The following MARCHF1 variants were observed in gnomAD, a reference collection of about 807,000 sequenced individuals.
MARCHF1 encodes the protein membrane associated ring-CH-type finger 1, also known as E3 ubiquitin-protein ligase MARCHF1.
A neutral mutation model predicts 54.2 loss-of-function variants in MARCHF1; 40 were observed. That is an observed-to-expected ratio of 0.74 (90% CI 0.57 to 0.96). MARCHF1 has a LOEUF of 0.96. MARCHF1 is among the 40% of genes least tolerant of loss of function. The pLI is 0.00. For synonymous variants in MARCHF1, 236 were observed against 236.3 expected, an observed-to-expected ratio of 1.00 and a Z score of 0.01; for missense variants, 586 against 656.5, an observed-to-expected ratio of 0.89 and a Z score of 1.17.
intron 2 of MARCHF1, among the ~76,000 whole-genome samples, chr4:164,075,376 C>A (rs1185797170): frequency 1.3e-5 from 2 of 152,184 alleles, no homozygotes; most frequent in African/African-American, 4.8e-5. Flanking sequence ...TAAACAATAT[C>A]TTGAAGGGTA....
chr4:164,364,301 GCT>G (rs1255028200), intron 1 of MARCHF1, among the ~76,000 whole-genome samples: 1 of 151,954 alleles, frequency 6.6e-6, no homozygotes, highest in Non-Finnish European at 1.5e-5. Flanking sequence ...AGGACTAAAG[GCT>G]CCTACCAGAG....
intron 1 of MARCHF1, among the ~76,000 whole-genome samples, chr4:164,289,610 T>C (rs1244802024): frequency 6.8e-6 from 1 of 146,168 alleles, no homozygotes; most frequent in Non-Finnish European, 1.5e-5. Context: ...AAAAAACCTG[T>C]TCAAACCATC....
chr4:164,274,484 A>T (rs1733821103), intron 1 of MARCHF1, among the ~76,000 whole-genome samples: 1 of 152,012 alleles, frequency 6.6e-6, no homozygotes, highest in Non-Finnish European at 1.5e-5. Context: ...AATTATTAAG[A>T]GGAAAATCAC....
chr4:164,194,595 T>C (rs1731204310), intron 1 of MARCHF1, among the ~76,000 whole-genome samples: 1 of 152,144 alleles, frequency 6.6e-6, no homozygotes, highest in African/African-American at 2.4e-5. Context: ...TTGTATGCTG[T>C]CATCTTATAA....
chr4:163,902,061 C>T (rs1750954078), intron 3 of MARCHF1, among the ~76,000 whole-genome samples: 2 of 152,142 alleles, frequency 1.3e-5, no homozygotes, highest in South Asian at 4.1e-4. Context: ...CAAATACCTC[C>T]TCAAAAGATG....
intron 5 of MARCHF1, among the ~76,000 whole-genome samples, chr4:163,623,218 C>G (rs1216962000): frequency 6.6e-6 from 1 of 152,090 alleles, no homozygotes; most frequent in African/African-American, 2.4e-5. Flanking sequence ...GTTCTGAGAG[C>G]AAGGACCATC....
intron 9 of MARCHF1, among the ~76,000 whole-genome samples, chr4:163,536,888 C>T (rs1006654144): frequency 1.3e-5 from 2 of 152,084 alleles, no homozygotes; most frequent in African/African-American, 4.8e-5. Flanking sequence ...CCTGGGAAGT[C>T]AAATCTCCCA....
At chr4:163,835,421 G>A (rs938953044) in intron 4 of MARCHF1, among the ~76,000 whole-genome samples, 8 of 152,246 alleles carry the variant, frequency 5.3e-5, no homozygotes, top group Non-Finnish European at 8.8e-5. Context: ...TCTGTACAAC[G>A]TGAACTATAG....
chr4:163,789,757 T>C (rs1436926915), intron 4 of MARCHF1, among the ~76,000 whole-genome samples: 1 of 152,064 alleles, frequency 6.6e-6, no homozygotes, highest in East Asian at 1.9e-4. Flanking sequence ...GAAAATATAG[T>C]ACTTGGACTT....
At chr4:163,544,556 G>C (rs778368532) in intron 9 of MARCHF1, among the ~76,000 whole-genome samples, 5 of 152,134 alleles carry the variant, frequency 3.3e-5, no homozygotes, top group Non-Finnish European at 4.4e-5. Flanking sequence ...TGCTCAGGGC[G>C]GTGCACGCTG....
At chr4:163,921,185 T>C (rs911706404) in intron 3 of MARCHF1, among the ~76,000 whole-genome samples, 2 of 152,138 alleles carry the variant, frequency 1.3e-5, no homozygotes, top group African/African-American at 4.8e-5. Context: ...CTGATGGAAA[T>C]GTTCTTTCTT....
chr4:164,086,266 T>G (rs1406154943), intron 2 of MARCHF1, among the ~76,000 whole-genome samples: 1 of 151,870 alleles, frequency 6.6e-6, no homozygotes, highest in Non-Finnish European at 1.5e-5. Context: ...CTATAAATAC[T>G]GGCTAAAAAT....
chr4:164,206,176 C>T (rs1731599767), intron 1 of MARCHF1, among the ~76,000 whole-genome samples: 1 of 152,180 alleles, frequency 6.6e-6, no homozygotes, highest in South Asian at 2.1e-4. Context: ...GTGGCTCATG[C>T]TTGCAATCCC....
rs141003469 is a variant in MARCHF1, at chr4:164,379,487, C to T, written c.-323+4383G>A. Among the ~76,000 whole-genome samples the T allele has an allele frequency of 8.3e-3, 1,263 of 152,208 alleles. 18 individuals carry two copies. Among genetic ancestry groups the T allele is most frequent in the African/African-American group, 0.029 (1,215 of 41,546 alleles). On this transcript the variant is annotated intron_variant, in intron 1 of 9. Coordinates refer to ENST00000514618, the MANE Select transcript of MARCHF1 (RefSeq NM_001394959.1). ...GTCAAGAATTCACCAATGAATTTCACCTGATGAAAGATAACAATCCACAAA... is the reference window on the plus strand; with the variant it reads ...GTCAAGAATTCACCAATGAATTTCATCTGATGAAAGATAACAATCCACAAA...
At chr4:164,017,102 T>A (rs1488826531) in intron 2 of MARCHF1, among the ~76,000 whole-genome samples, 1 of 151,952 alleles carries the variant, frequency 6.6e-6, no homozygotes, top group East Asian at 1.9e-4. Flanking sequence ...GGTTTAACAA[T>A]TTCAAAAATT....
chr4:163,942,087 A>C (rs979357916), intron 3 of MARCHF1, among the ~76,000 whole-genome samples: 2 of 152,188 alleles, frequency 1.3e-5, no homozygotes, highest in Non-Finnish European at 2.9e-5. Flanking sequence ...ATGAACAATA[A>C]AACAGCATGT....
intron 5 of MARCHF1, among the ~76,000 whole-genome samples, chr4:163,659,462 C>T (rs1196104384): frequency 2.6e-5 from 4 of 151,878 alleles, no homozygotes; most frequent in South Asian, 2.1e-4. Flanking sequence ...AGAAGAAAAC[C>T]GAGGCAGTAC....
intron 1 of MARCHF1, chr4:164,197,788 T>C (rs1383951386): frequency 7.5e-6 from 12 of 1,598,420 alleles, no homozygotes; most frequent in Non-Finnish European, 1.0e-5. Flanking sequence ...CGGCCGCACG[T>C]TTTAGGACTT....
chr4:164,334,878 C>T (rs965530635), intron 1 of MARCHF1, among the ~76,000 whole-genome samples: 4 of 152,080 alleles, frequency 2.6e-5, no homozygotes, highest in African/African-American at 9.7e-5. Flanking sequence ...AAGTTTATTC[C>T]AACCTTCATG....
Sources: gnomAD v4.1 joint callset for allele counts (sites outside exome capture counted in the v4.1 genomes callset) on GRCh38, gnomAD v4.1.1 for gene constraint, MANE v1.5 for transcripts, NCBI Gene and HGNC (gene_info 2026-07-23, HGNC 2026-07-21) for gene names.